PRUNE2: variants seen among roughly 807,000 people sequenced by gnomAD.
PRUNE2 encodes the protein protein prune homolog 2.
PRUNE2 carries 164 observed loss-of-function variants against 252.0 expected under a neutral mutation model. That is an observed-to-expected ratio of 0.65 (90% CI 0.57 to 0.74). The LOEUF is 0.74. PRUNE2 is among the 30% of genes least tolerant of loss of function. The pLI is 0.00. For missense variants in PRUNE2, 3,495 were observed against 3,711.0 expected (o/e 0.94, Z 1.51); for synonymous variants, 1,292 against 1,350.2 (o/e 0.96, Z 0.94).
rs561465372 is a variant in PRUNE2, at chr9:76,793,331, G to T, written c.756+30301C>A. On this transcript the variant is annotated intron_variant, in intron 6 of 18. Coordinates refer to ENST00000376718, the MANE Select transcript of PRUNE2 (RefSeq NM_015225.3). ...ATGATCGTTATTAACCCAAGAGGAG[G>T]TTTACAAGCAAAAGTTGTAAATGTG... 3.3e-5 allele frequency among the ~76,000 whole-genome samples: 5 copies of T among 152,298 alleles called. No individual in the cohort carries two copies. The South Asian group carries it at 8.3e-4, about 25-fold the overall frequency.
At chr9:76,681,979 T>C (rs1272826702) in intron 9 of PRUNE2, among the ~76,000 whole-genome samples, 1 of 152,204 alleles carries the variant, frequency 6.6e-6, no homozygotes, top group Non-Finnish European at 1.5e-5. Flanking sequence ...ATTTTAAAGA[T>C]GTATTTTAAA....
chr9:76,767,254 C>T (rs893955568), intron 6 of PRUNE2, among the ~76,000 whole-genome samples: 4 of 152,046 alleles, frequency 2.6e-5, no homozygotes, highest in Non-Finnish European at 4.4e-5. Flanking sequence ...GAGTTCAAGA[C>T]CGGCCTGACC....
At chr9:76,702,464 A>G (rs2134735768) in intron 9 of PRUNE2, among the ~76,000 whole-genome samples, 1 of 152,332 alleles carries the variant, frequency 6.6e-6, no homozygotes, top group South Asian at 2.1e-4. Context: ...TGGGCTTCAT[A>G]AACACAAATG....
chr9:76,622,008 C>T (rs1832540749), intron 17 of PRUNE2, among the ~76,000 whole-genome samples: 1 of 152,124 alleles, frequency 6.6e-6, no homozygotes, highest in East Asian at 1.9e-4. Flanking sequence ...TTTTAGGCTC[C>T]ACTCTAGAGC....
intron 6 of PRUNE2, among the ~76,000 whole-genome samples, chr9:76,764,263 AG>A (rs1376997015): frequency 9.9e-5 from 15 of 152,184 alleles, no homozygotes; most frequent in Admixed American, 4.6e-4. Flanking sequence ...TAAATAAATA[AG>A]ATAATTTTTA....
chr9:76,831,684 T>C lies in PRUNE2; in HGVS notation c.509-4952A>G, dbSNP rs201987876. On this transcript the variant is annotated intron_variant, in intron 4 of 18. Transcript: ENST00000376718. ...GAATATCAAAAACACTTATTTAGTA[T>C]ACAGCAGTAAAGAAATGAGAGGAAA... 3.3e-5 allele frequency among the ~76,000 whole-genome samples: 5 copies of C among 152,126 alleles called. No individual in the cohort carries two copies. The East Asian group carries it at 9.7e-4, about 29-fold the overall frequency.
In PRUNE2 at chr9:76,644,605, T is replaced by C. The variant is rs138544253; in HGVS notation, c.8728+134A>G. 7 of 806,524 alleles carry C rather than the reference T, an allele frequency of 8.7e-6. No individual in the cohort carries two copies. In the African/African-American group the frequency reaches 1.0e-4, roughly 12 times the overall value. 50.0% of individuals were successfully genotyped at this position (806,524 alleles called of 1,614,324 possible). A position where few individuals can be genotyped will look rare whatever the true frequency, so the allele number is the denominator to read the frequency against. ...ATATGAGGAAATATACTTAGCTCTATAGTTCCCTGAATATTGGCTCTAGAA... is the reference window on the plus strand; with the variant it reads ...ATATGAGGAAATATACTTAGCTCTACAGTTCCCTGAATATTGGCTCTAGAA... On this transcript the variant is annotated intron_variant, in intron 12 of 18. Coordinates refer to ENST00000376718, the MANE Select transcript of PRUNE2 (RefSeq NM_015225.3).
chr9:76,889,927 C>T (rs1408471561), intron 1 of PRUNE2, among the ~76,000 whole-genome samples: 3 of 152,222 alleles, frequency 2.0e-5, no homozygotes, highest in African/African-American at 7.2e-5. Context: ...CCGGGTTCTA[C>T]CCCAAAGTGT....
intron 4 of PRUNE2, among the ~76,000 whole-genome samples, chr9:76,828,785 GCTGGTGGATCAC>G (rs1230404805): frequency 6.6e-6 from 1 of 152,102 alleles, no homozygotes; most frequent in Admixed American, 6.6e-5. Flanking sequence ...GGAGGCCAAG[GCTGGTGGATCAC>G]CTGAGGTCAG....
intron 4 of PRUNE2, among the ~76,000 whole-genome samples, chr9:76,833,324 A>G (rs2058765836): frequency 1.3e-5 from 2 of 152,356 alleles, no homozygotes; most frequent in African/African-American, 4.8e-5. Context: ...GATCATATTA[A>G]TAAAGAGGAA....
intron 13 of PRUNE2, 42 bp downstream of exon 13, chr9:76,638,144 A>G (rs1304014693): frequency 1.6e-6 from 2 of 1,265,884 alleles, no homozygotes; most frequent in Non-Finnish European, 2.3e-6. Context: ...ATTACATGCC[A>G]CAGACATTAA....
rs779527718 is a variant in PRUNE2 at position 76,707,734 on chromosome 9, C to G, written c.4540G>C (p.Asp1514His). 23 of 1,613,816 alleles carry G rather than the reference C, an allele frequency of 1.4e-5. No homozygotes were observed. The highest frequency in any genetic ancestry group is 3.3e-5 in the South Asian group (3 of 91,068). ...AGGCTATTTTCAGACCCCTTAACGT[C>G]AAGATTTTTGGTTATCTCAGAACAT... ...STCSEITKNL[D>H]VKGSENSLPG... The change falls in exon 8 of 19, where the codon GAC (aspartate) becomes CAC (histidine). Residue 1514 changes from aspartate to histidine, a missense_variant. Transcript: ENST00000376718.
intron 17 of PRUNE2, among the ~76,000 whole-genome samples, chr9:76,624,076 G>A (rs1833618032): frequency 1.3e-5 from 2 of 152,092 alleles, no homozygotes; most frequent in Non-Finnish European, 2.9e-5. Context: ...TCCAAATCTC[G>A]ATGTGTTATT....
chr9:76,781,542 G>A (rs1057113412), intron 6 of PRUNE2, among the ~76,000 whole-genome samples: 1 of 152,060 alleles, frequency 6.6e-6, no homozygotes, highest in Non-Finnish European at 1.5e-5. Context: ...ACTTTCTTTG[G>A]AGAACTTACA....
intron 6 of PRUNE2, among the ~76,000 whole-genome samples, chr9:76,748,267 T>C (rs928590611): frequency 2.2e-4 from 33 of 152,142 alleles, no homozygotes; most frequent in African/African-American, 7.7e-4. Context: ...TTCAACCAAA[T>C]GTTGAGGTTC....
At chr9:76,696,653 T>C (rs534997775) in intron 9 of PRUNE2, among the ~76,000 whole-genome samples, 7 of 152,238 alleles carry the variant, frequency 4.6e-5, no homozygotes, top group Non-Finnish European at 1.0e-4. Flanking sequence ...CTCAAACTCC[T>C]GACCTCAAGT....
chr9:76,836,037 G>C (rs2058944152), intron 4 of PRUNE2, among the ~76,000 whole-genome samples: 1 of 151,774 alleles, frequency 6.6e-6, no homozygotes, highest in Non-Finnish European at 1.5e-5. Context: ...GGTAAAGTGT[G>C]GTCTTGATCT....
chr9:76,716,718 A>G (rs373945017), intron 6 of PRUNE2, among the ~76,000 whole-genome samples: 1 of 152,094 alleles, frequency 6.6e-6, no homozygotes, highest in East Asian at 1.9e-4. Flanking sequence ...CCTGGGATAC[A>G]TGTGCAGAAT....
intron 17 of PRUNE2, among the ~76,000 whole-genome samples, chr9:76,623,364 G>C (rs979147456): frequency 1.3e-5 from 2 of 150,382 alleles, no homozygotes; most frequent in African/African-American, 4.9e-5. Flanking sequence ...GCATGATCTC[G>C]GCTCACTGCA....
Sources: allele counts gnomAD v4.1 joint callset (sites outside exome capture counted in the v4.1 genomes callset), GRCh38; gene constraint gnomAD v4.1.1; transcripts MANE v1.5; gene names NCBI Gene and HGNC (gene_info 2026-07-23, HGNC 2026-07-21).